Variants in COL4A6 observed in about 807,000 individuals in gnomAD.
COL4A6 encodes the protein collagen type IV alpha 6 chain.
Under a neutral mutation model 126.7 loss-of-function variants are expected in COL4A6, and 59 were observed. The observed-to-expected ratio is 0.47, with a 90% CI of 0.38 to 0.58. COL4A6 has a LOEUF of 0.58. COL4A6 is among the 20% of genes least tolerant of loss of function. The pLI is 0.00. For missense variants in COL4A6, 1,285 were observed against 1,337.3 expected (o/e 0.96, Z 0.61); for synonymous variants, 547 against 496.6 (o/e 1.10, Z -1.35).
At chrX:108,346,572 C>T (rs988328279) in intron 2 of COL4A6, among the ~76,000 whole-genome samples, 5 of 111,949 alleles carry the variant, frequency 4.5e-5, no homozygotes, top group African/African-American at 1.3e-4. Context: ...GTAATTAAGT[C>T]CTCACTTAAC....
At chrX:108,316,991 TTG>T (rs1222040455) in intron 2 of COL4A6, among the ~76,000 whole-genome samples, 3 of 111,942 alleles carry the variant, frequency 2.7e-5, no homozygotes, top group African/African-American at 9.7e-5. Context: ...GTGACACCAG[TTG>T]ATTTACTTTT....
At chrX:108,336,077 C>T (rs1385527903) in intron 2 of COL4A6, among the ~76,000 whole-genome samples, 1 of 111,434 alleles carries the variant, frequency 9.0e-6, no homozygotes, top group Non-Finnish European at 1.9e-5. Context: ...ATTAAAAGTT[C>T]CTCAGTAAAT....
chrX:108,410,219 C>T (rs1235174547), intron 2 of COL4A6, among the ~76,000 whole-genome samples: 3 of 111,133 alleles, frequency 2.7e-5, no homozygotes, highest in African/African-American at 9.8e-5. Flanking sequence ...GTCAAGGACC[C>T]TTTTATCACT....
At chrX:108,169,076 T>C (rs1336158450) in intron 37 of COL4A6, among the ~76,000 whole-genome samples, 2 of 111,069 alleles carry the variant, frequency 1.8e-5, no homozygotes, top group Non-Finnish European at 3.8e-5. Context: ...ATCTTAGTCT[T>C]GGGATCCTTC....
chrX:108,246,042 A>G (rs890846380), intron 3 of COL4A6, among the ~76,000 whole-genome samples: 16 of 111,414 alleles, frequency 1.4e-4, no homozygotes, highest in South Asian at 1.1e-3. Context: ...CTACTGGGGG[A>G]AAATGATTCT....
At position 108,164,896 on chromosome X, in the gene COL4A6, A is replaced by C; in HGVS notation, c.3951T>G (p.Pro1317=). 1.7e-6 allele frequency: 2 copies of C among 1,205,380 alleles called. No individual in the cohort carries two copies. The highest frequency in any genetic ancestry group is 1.1e-6 in the Non-Finnish European group (1 of 892,298). Residue 1317 remains proline, a synonymous_variant, in exon 39 of 45, where the codon CCT becomes CCG. Transcript: ENST00000334504. ...DQGIPGFSGL[P]GELGLKGMRG... ...CCGTACCTTTCAGTCCTAGCTCTCC[A>C]GGGAGGCCAGAAAAACCTGGAATTC...
At chrX:108,393,120 A>T (rs2040873900) in intron 2 of COL4A6, among the ~76,000 whole-genome samples, 1 of 111,840 alleles carries the variant, frequency 8.9e-6, no homozygotes, top group Admixed American at 9.5e-5. Flanking sequence ...TGACCTATCA[A>T]TTTCACATCT....
rs778977848 is a variant in COL4A6, at chrX:108,209,712, GA to G, written c.546+256del. 9.8e-5 allele frequency among the ~76,000 whole-genome samples: 11 copies of G among 112,214 alleles called. No homozygotes were observed. The South Asian group carries it at 2.6e-3, about 27-fold the overall frequency. On this transcript the variant is annotated intron_variant, in intron 8 of 44. Transcript: ENST00000334504. ...GGAAAGGCAAAATACATTCCTAGGG[GA>G]AAGTACATCCCAGTGAATACATGTC...
chrX:108,417,441 T>C (rs1188601805), intron 2 of COL4A6, among the ~76,000 whole-genome samples: 1 of 112,160 alleles, frequency 8.9e-6, no homozygotes, highest in Non-Finnish European at 1.9e-5. Context: ...GTACATAGAA[T>C]GGCCTAAACT....
chrX:108,208,120 A>G (rs2035603835), intron 8 of COL4A6, among the ~76,000 whole-genome samples: 1 of 112,559 alleles, frequency 8.9e-6, no homozygotes, highest in East Asian at 2.8e-4. Context: ...CAATTTATCA[A>G]GAAGACATAA....
intron 3 of COL4A6, among the ~76,000 whole-genome samples, chrX:108,254,532 G>A (rs1333155305): frequency 9.2e-6 from 1 of 108,510 alleles, no homozygotes; most frequent in Non-Finnish European, 1.9e-5. Context: ...GTTTTTTTTT[G>A]GTTCACTTTG....
rs757252160 is a variant in COL4A6, at chrX:108,187,217, G to C, written c.1830C>G (p.Gly610=). The C allele has an allele frequency of 2.0e-5, 24 of 1,191,106 alleles. No individual in the cohort carries two copies. Among genetic ancestry groups the C allele is most frequent in the Non-Finnish European group, 1.7e-5 (15 of 883,379 alleles). ...KGLPGLPGEK[G]HPGPPGLPGN... is the part of the protein sequence containing the mutation. Reference sequence around the variant, plus strand: ...CTGGGAGGCCAGGTGGACCAGGATGGCCTTTTTCACCAGGAAGTCCAGGTA... The same window carrying C: ...CTGGGAGGCCAGGTGGACCAGGATGCCCTTTTTCACCAGGAAGTCCAGGTA... The change falls in exon 23 of 45, where the codon GGC becomes GGG. Residue 610 remains glycine (G), a synonymous_variant. Transcript: ENST00000334504.
At position 108,403,233 on chromosome X, in the gene COL4A6, GCTCTCTCTCTCTCTCTCTCTCT is replaced by G. The variant is rs59212608; in HGVS notation, c.63+34687_63+34708del. On this transcript the variant is annotated intron_variant, in intron 2 of 44. Transcript: ENST00000334504. ...CCACAATGTATCTATGCAAAGATTA[GCTCTCTCTCTCTCTCTCTCTCT>G]CTCTCTCTCTCTCTCTCTCTCTCTC... Among the ~76,000 whole-genome samples, 104 of 62,349 alleles carry G rather than the reference GCTCTCTCTCTCTCTCTCTCTCT, an allele frequency of 1.7e-3. 1 individual carries two copies. The highest frequency in any genetic ancestry group is 2.5e-3 in the Non-Finnish European group (87 of 34,123). 54.1% of individuals were successfully genotyped at this position (62,349 alleles called of 115,157 possible).
chrX:108,289,128 C>A (rs765724645), intron 3 of COL4A6, among the ~76,000 whole-genome samples: 13 of 111,351 alleles, frequency 1.2e-4, no homozygotes, highest in Middle Eastern at 4.6e-3. Context: ...TGATTGGATT[C>A]TGCATTGAAA....
At chrX:108,273,042 G>A (rs1020467704) in intron 3 of COL4A6, among the ~76,000 whole-genome samples, 1 of 109,745 alleles carries the variant, frequency 9.1e-6, no homozygotes, top group Non-Finnish European at 1.9e-5. Flanking sequence ...CCACTAACTC[G>A]TCATTTACAT....
At chrX:108,435,792 CTTAA>C (rs1450156792) in intron 2 of COL4A6, among the ~76,000 whole-genome samples, 2 of 112,118 alleles carry the variant, frequency 1.8e-5, no homozygotes, top group Non-Finnish European at 3.8e-5. Flanking sequence ...TTATTGGCAG[CTTAA>C]TTCTCACAGT....
chrX:108,238,644 C>A (rs1304505359), intron 3 of COL4A6, among the ~76,000 whole-genome samples: 2 of 108,486 alleles, frequency 1.8e-5, no homozygotes, highest in African/African-American at 6.7e-5. Context: ...CTGTGATAAA[C>A]AAATGATTCT....
At chrX:108,206,251 C>T (rs2035540086) in intron 9 of COL4A6, 1 of 442,558 alleles carries the variant, frequency 2.3e-6, no homozygotes, top group Non-Finnish European at 4.1e-6. Flanking sequence ...AGAAATGTGT[C>T]AGGGATCTGC....
At chrX:108,358,041 G>T (rs1244710345) in intron 2 of COL4A6, among the ~76,000 whole-genome samples, 1 of 111,483 alleles carries the variant, frequency 9.0e-6, no homozygotes, top group Non-Finnish European at 1.9e-5. Context: ...AATATCATTA[G>T]CCCTCAGGCT....
Sources: gnomAD v4.1 joint callset for allele counts (sites outside exome capture counted in the v4.1 genomes callset) on GRCh38, gnomAD v4.1.1 for gene constraint, MANE v1.5 for transcripts, NCBI Gene and HGNC (gene_info 2026-07-23, HGNC 2026-07-21) for gene names.